The following EYA4 variants were observed in gnomAD, a reference collection of about 807,000 sequenced individuals.
EYA4 encodes protein phosphatase EYA4.
A neutral mutation model predicts 87.9 loss-of-function variants in EYA4; 31 were observed. The observed-to-expected ratio is 0.35, with a 90% CI of 0.27 to 0.48. EYA4 has a LOEUF of 0.48. EYA4 is among the 20% of genes least tolerant of loss of function. The pLI is 0.99. For missense variants in EYA4, 678 were observed against 761.4 expected, an observed-to-expected ratio of 0.89 and a Z score of 1.29; for synonymous variants, 263 against 270.6, an observed-to-expected ratio of 0.97 and a Z score of 0.28.
At chr6:133,394,664 AT>A (rs1451495136) in intron 3 of EYA4, among the ~76,000 whole-genome samples, 1 of 152,198 alleles carries the variant, frequency 6.6e-6, no homozygotes, top group African/African-American at 2.4e-5. Context: ...ACAGTTTTAA[AT>A]TCTAAGTGAA....
chr6:133,285,692 G>A (rs1184302819), intron 2 of EYA4, among the ~76,000 whole-genome samples: 1 of 152,192 alleles, frequency 6.6e-6, no homozygotes, highest in Non-Finnish European at 1.5e-5. Context: ...AGCAGAGACT[G>A]GCTATTTTAA....
intron 13 of EYA4, among the ~76,000 whole-genome samples, chr6:133,492,659 T>C (rs1210773103): frequency 1.3e-5 from 2 of 152,150 alleles, no homozygotes; most frequent in African/African-American, 2.4e-5. Flanking sequence ...AAGGAAGAAG[T>C]CAAATTAGCC....
intron 2 of EYA4, among the ~76,000 whole-genome samples, chr6:133,354,884 T>G (rs1783897975): frequency 6.6e-6 from 1 of 152,180 alleles, no homozygotes; most frequent in South Asian, 2.1e-4. Context: ...TTGTTGTTGT[T>G]GTTGTTTTTT....
At chr6:133,264,009 C>T (rs988059567) in intron 1 of EYA4, among the ~76,000 whole-genome samples, 2 of 152,210 alleles carry the variant, frequency 1.3e-5, no homozygotes, top group African/African-American at 4.8e-5. Flanking sequence ...ATGTACTCCC[C>T]CACTTTCCCT....
At chr6:133,377,836 G>A (rs980507088) in intron 2 of EYA4, among the ~76,000 whole-genome samples, 3 of 151,926 alleles carry the variant, frequency 2.0e-5, no homozygotes, top group Admixed American at 1.3e-4. Context: ...GGAGATATTA[G>A]TCAAGGGTAC....
intron 13 of EYA4, among the ~76,000 whole-genome samples, chr6:133,495,269 A>T (rs1161665036): frequency 6.8e-6 from 1 of 146,420 alleles, no homozygotes; most frequent in East Asian, 1.9e-4. Flanking sequence ...ACTCTGTCTC[A>T]AAAAAAAGAA....
chr6:133,323,073 CGTGTGTGT>C (rs141727232), intron 2 of EYA4, among the ~76,000 whole-genome samples: 7 of 149,180 alleles, frequency 4.7e-5, no homozygotes, highest in African/African-American at 1.7e-4. Context: ...GTATAAAATC[CGTGTGTGT>C]GTGTGTGTGT....
At chr6:133,321,592 T>C (rs1781096742) in intron 2 of EYA4, among the ~76,000 whole-genome samples, 2 of 152,208 alleles carry the variant, frequency 1.3e-5, no homozygotes, top group Admixed American at 1.3e-4. Flanking sequence ...CAAACTTCCA[T>C]AAAAATAATT....
At chr6:133,250,797 G>A (rs556752888) in intron 1 of EYA4, among the ~76,000 whole-genome samples, 1 of 152,250 alleles carries the variant, frequency 6.6e-6, no homozygotes, top group South Asian at 2.1e-4. Flanking sequence ...GCCTCATGGG[G>A]TTCTGATGAG....
intron 5 of EYA4, among the ~76,000 whole-genome samples, chr6:133,454,029 A>G (rs1030081933): frequency 6.6e-6 from 1 of 152,152 alleles, no homozygotes; most frequent in Non-Finnish European, 1.5e-5. Flanking sequence ...ATCAAAATCA[A>G]TACTAAGCTT....
At chr6:133,420,396 A>C (rs1790117144) in intron 3 of EYA4, among the ~76,000 whole-genome samples, 1 of 152,196 alleles carries the variant, frequency 6.6e-6, no homozygotes, top group African/African-American at 2.4e-5. Flanking sequence ...TACAACTTAC[A>C]ATTTTGAAAG....
chr6:133,502,899 A>T (rs1210002156), intron 13 of EYA4, among the ~76,000 whole-genome samples: 1 of 152,152 alleles, frequency 6.6e-6, no homozygotes, highest in East Asian at 1.9e-4. Flanking sequence ...CAGCTAGTTC[A>T]CACTCCAGCA....
chr6:133,309,331 A>G (rs1780040547), intron 2 of EYA4, among the ~76,000 whole-genome samples: 1 of 152,160 alleles, frequency 6.6e-6, no homozygotes, highest in Admixed American at 6.5e-5. Flanking sequence ...CAATATATTA[A>G]AGAGTTTAAG....
chr6:133,275,982 C>T (rs946388911), intron 2 of EYA4, among the ~76,000 whole-genome samples: 2 of 152,072 alleles, frequency 1.3e-5, no homozygotes, highest in Non-Finnish European at 2.9e-5. Flanking sequence ...TATGGGAAGG[C>T]AAGGGCTTTC....
chr6:133,376,827 C>G (rs940579743), intron 2 of EYA4, among the ~76,000 whole-genome samples: 3 of 151,966 alleles, frequency 2.0e-5, no homozygotes, highest in Non-Finnish European at 4.4e-5. Context: ...ATCACACATT[C>G]TTTATTTTAA....
chr6:133,296,565 G>A (rs1778961870), intron 2 of EYA4, among the ~76,000 whole-genome samples: 1 of 152,086 alleles, frequency 6.6e-6, no homozygotes, highest in African/African-American at 2.4e-5. Flanking sequence ...AGCTGATGGT[G>A]GATGTGGGGT....
Position 133,530,337 on chromosome 6 carries a change from GT to G in EYA4, c.*1539del. 1.0e-6 allele frequency: 1 copy of G among 985,396 alleles called. No individual in the cohort carries two copies. Among genetic ancestry groups the G allele is most frequent in the Non-Finnish European group, 1.2e-6 (1 of 829,914 alleles). The allele number at this position is 985,396 out of a possible 1,614,324, so 61.0% of individuals were successfully genotyped here. A position where few individuals can be genotyped will look rare whatever the true frequency, so the allele number is the denominator to read the frequency against. On this transcript the variant is annotated 3_prime_UTR_variant, in exon 20 of 20. Coordinates refer to ENST00000355286, the MANE Select transcript of EYA4 (RefSeq NM_004100.5). ...AGCCCATCATCGTTGTGTTTGCATG[GT>G]TTTTTTCCTTGTGTGTAGCCCATGT...
In EYA4 at chr6:133,292,480, G is replaced by A. The variant is rs557023026; in HGVS notation, c.33+17667G>A. Among the ~76,000 whole-genome samples, 9 of 152,256 alleles carry A rather than the reference G, an allele frequency of 5.9e-5. No homozygotes were observed. The South Asian group carries it at 1.2e-3, about 21-fold the overall frequency. On this transcript the variant is annotated intron_variant, in intron 2 of 19. Coordinates refer to ENST00000355286, the MANE Select transcript of EYA4 (RefSeq NM_004100.5). Reference sequence around the variant, plus strand: ...TGAGCATTAAGGGAATTAATTGAAGGCCTTAGGATATGGGTGTTTATTACA... The same window carrying A: ...TGAGCATTAAGGGAATTAATTGAAGACCTTAGGATATGGGTGTTTATTACA...
At chr6:133,326,037 G>C (rs1236655194) in intron 2 of EYA4, among the ~76,000 whole-genome samples, 1 of 152,204 alleles carries the variant, frequency 6.6e-6, no homozygotes, top group Non-Finnish European at 1.5e-5. Context: ...CCTTCTTGTA[G>C]GAGAAGCTTG....
Sources: allele counts gnomAD v4.1 joint callset (sites outside exome capture counted in the v4.1 genomes callset), GRCh38; gene constraint gnomAD v4.1.1; transcripts MANE v1.5; gene names NCBI Gene and HGNC (gene_info 2026-07-23, HGNC 2026-07-21).